The following CACUL1 variants were observed in gnomAD, a reference collection of about 807,000 sequenced individuals.
The protein encoded by CACUL1 is CDK2-associated and cullin domain-containing protein 1.
Under a neutral mutation model 45.2 loss-of-function variants are expected in CACUL1, and 13 were observed. The ratio of observed to expected loss-of-function variants is 0.29; its 90% CI spans 0.19 to 0.46. The LOEUF (loss-of-function observed/expected upper bound fraction) is 0.46, where lower values mean the gene tolerates loss of function less well. Ranked by LOEUF, CACUL1 falls within the 20% of genes least tolerant of loss-of-function variation. The pLI, the probability that CACUL1 is intolerant of heterozygous loss-of-function variation, is 1.00. For synonymous variants in CACUL1, 197 were observed against 174.2 expected (o/e 1.13, Z -1.03); for missense variants, 421 against 471.4 (o/e 0.89, Z 0.99).
intron 5 of CACUL1, among the ~76,000 whole-genome samples, chr10:118,698,862 C>A (rs528284957): frequency 6.6e-6 from 1 of 152,056 alleles, no homozygotes; most frequent in African/African-American, 2.4e-5. Flanking sequence ...TCTGAAGCCA[C>A]GGGAAGGAAA....
chr10:118,733,414 G>A (rs1845715294), intron 1 of CACUL1, among the ~76,000 whole-genome samples: 1 of 151,822 alleles, frequency 6.6e-6, no homozygotes, highest in African/African-American at 2.4e-5. Flanking sequence ...TAAATAGAAA[G>A]CCAATTCAGT....
intron 4 of CACUL1, among the ~76,000 whole-genome samples, chr10:118,704,766 G>A (rs1254817865): frequency 6.6e-6 from 1 of 152,168 alleles, no homozygotes; most frequent in Admixed American, 6.5e-5. Flanking sequence ...GGGGGTGGGG[G>A]GAGCACCCCC....
rs199927390 is a variant in CACUL1 at position 118,754,598 on chromosome 10, C to T, written c.165G>A (p.Gly55=). The T allele has an allele frequency of 2.1e-5, 33 of 1,607,690 alleles. No homozygotes were observed. Among genetic ancestry groups the T allele is most frequent in the East Asian group, 4.5e-5 (2 of 44,382 alleles). ...IPAPAREPPG[G]QLLAVPAVSV... ...AGACCGCGGGCACCGCCAGCAGCTG[C>T]CCCCCCGGAGGCTCTCGGGCAGGGG... Residue 55 remains glycine, a synonymous_variant, in exon 1 of 9, where the codon GGG becomes GGA. Transcript: ENST00000369151.
chr10:118,754,437 G>C lies in CACUL1; in HGVS notation c.326C>G (p.Ala109Gly). 6.3e-7 allele frequency: 1 copy of C among 1,591,650 alleles called. No homozygotes were observed. The highest frequency in any genetic ancestry group is 8.5e-7 in the Non-Finnish European group (1 of 1,170,746). ...AVAKAAPAPT[A>G]SSTININTST... ...GGTGTTGATGTTGATGGTGGAGCTG[G>C]CGGTGGGGGCGGGGGCCGCCTTGGC... Residue 109 changes from alanine (A) to glycine (G), a missense_variant, in exon 1 of 9, where the codon GCC (alanine) becomes GGC (glycine). Physicochemically the swap from Ala to Gly is moderately conservative, Grantham distance 60. This residue lies in a region of CACUL1 where 213 missense variants were observed against 173.1 expected (regional missense o/e 1.23). Coordinates refer to ENST00000369151, the MANE Select transcript of CACUL1 (RefSeq NM_153810.5).
At chr10:118,743,277 T>G (rs530908123) in intron 1 of CACUL1, among the ~76,000 whole-genome samples, 1 of 152,210 alleles carries the variant, frequency 6.6e-6, no homozygotes, top group East Asian at 1.9e-4. Context: ...GTGTAACTAG[T>G]GGCAGGGGGG....
intron 3 of CACUL1, among the ~76,000 whole-genome samples, chr10:118,718,349 G>A (rs944152710): frequency 7.9e-5 from 12 of 152,274 alleles, no homozygotes; most frequent in African/African-American, 2.9e-4. Flanking sequence ...GAAGGGGAGA[G>A]TCGGGGAGGG....
chr10:118,729,345 G>C lies in CACUL1; in HGVS notation c.547C>G (p.Leu183Val), dbSNP rs745825442. ...AAGTGATTAGTTATCTTTTTAATCA[G>C]ATCACTATACATCTGTTCCGAGTGC... is the stretch of plus-strand genomic sequence containing the variant. ...QQHSEQMYSD[L>V]IKKITNHLER... Residue 183 changes from leucine (L) to valine (V), a missense_variant, in exon 3 of 9, where the codon CTG becomes GTG. Around this residue, in one of 2 missense-constraint regions of CACUL1, gnomAD observed 208 missense variants for 298.4 expected, o/e 0.70. Transcript: ENST00000369151. The C allele has an allele frequency of 1.2e-6, 2 of 1,612,940 alleles. No homozygotes were observed. The highest frequency in any genetic ancestry group is 1.7e-6 in the Non-Finnish European group (2 of 1,179,836).
chr10:118,751,195 G>T (rs1256280963), intron 1 of CACUL1, among the ~76,000 whole-genome samples: 1 of 151,938 alleles, frequency 6.6e-6, no homozygotes, highest in East Asian at 1.9e-4. Flanking sequence ...GTTAATTTTA[G>T]GCACTGTAAA....
intron 1 of CACUL1, among the ~76,000 whole-genome samples, chr10:118,750,792 T>A (rs1472354229): frequency 2.8e-5 from 2 of 71,288 alleles, no homozygotes; most frequent in East Asian, 6.8e-4. Context: ...CTTTCTAATT[T>A]TTGTCAACCT....
chr10:118,753,887 T>G (rs554059932), intron 1 of CACUL1, among the ~76,000 whole-genome samples: 1 of 152,306 alleles, frequency 6.6e-6, no homozygotes, highest in African/African-American at 2.4e-5. Context: ...AGGAACAAGG[T>G]GTAGATATAG....
At chr10:118,750,640 G>A (rs553606323) in intron 1 of CACUL1, among the ~76,000 whole-genome samples, 1 of 152,188 alleles carries the variant, frequency 6.6e-6, no homozygotes, top group African/African-American at 2.4e-5. Flanking sequence ...ACATTAACGC[G>A]GCAGCTATCT....
chr10:118,710,687 C>A (rs766064791), intron 3 of CACUL1, among the ~76,000 whole-genome samples: 1 of 152,190 alleles, frequency 6.6e-6, no homozygotes, highest in Non-Finnish European at 1.5e-5. Context: ...TACCTTCAAA[C>A]CCCTGGAGGG....
chr10:118,692,987 TAC>T (rs1845286774), intron 6 of CACUL1: 1 of 152,218 alleles, frequency 6.6e-6, no homozygotes. Context: ...AATACAGTGC[TAC>T]AGAGAACCAC....
chr10:118,704,160 G>GTGGATGGA (rs1257876661), intron 4 of CACUL1, among the ~76,000 whole-genome samples: 3 of 151,444 alleles, frequency 2.0e-5, no homozygotes, highest in Non-Finnish European at 4.4e-5. Flanking sequence ...GGAGGCCAAG[G>GTGGATGGA]TGGATGGATG....
At chr10:118,687,903 G>A (rs1305333212) in intron 7 of CACUL1, among the ~76,000 whole-genome samples, 1 of 152,136 alleles carries the variant, frequency 6.6e-6, no homozygotes, top group East Asian at 1.9e-4. Flanking sequence ...CAGGAACTTG[G>A]CCTGTGTTGT....
chr10:118,695,445 G>A (rs1845313240), intron 5 of CACUL1, among the ~76,000 whole-genome samples: 1 of 152,156 alleles, frequency 6.6e-6, no homozygotes, highest in South Asian at 2.1e-4. Context: ...TAATGGAAAT[G>A]AATCAATTCA....
At chr10:118,744,415 A>AC (rs1386289007) in intron 1 of CACUL1, among the ~76,000 whole-genome samples, 1 of 152,010 alleles carries the variant, frequency 6.6e-6, no homozygotes, top group Non-Finnish European at 1.5e-5. Context: ...AACAAAAAAA[A>AC]CAAAGATCTG....
intron 1 of CACUL1, among the ~76,000 whole-genome samples, chr10:118,742,082 T>G (rs147392645): frequency 1.2e-3 from 190 of 152,344 alleles, no homozygotes; most frequent in African/African-American, 4.3e-3. Flanking sequence ...CATAATTACC[T>G]TTCTATCACC....
chr10:118,696,742 C>T (rs1002919812), intron 5 of CACUL1, among the ~76,000 whole-genome samples: 4 of 152,254 alleles, frequency 2.6e-5, no homozygotes, highest in Admixed American at 6.5e-5. Flanking sequence ...TTGGCATAGA[C>T]AAATGCTAAG....
Sources: allele counts gnomAD v4.1 joint callset (sites outside exome capture counted in the v4.1 genomes callset), GRCh38; gene constraint gnomAD v4.1.1; regional missense constraint gnomAD v4.1.1; transcripts MANE v1.5; gene names NCBI Gene and HGNC (gene_info 2026-07-23, HGNC 2026-07-21).